Variants in KLF8 observed in about 807,000 individuals in gnomAD.
KLF8 encodes the protein Krueppel-like factor 8.
Under a neutral mutation model 18.2 loss-of-function variants are expected in KLF8, and 10 were observed. The observed-to-expected ratio is 0.55, with a 90% confidence interval of 0.34 to 0.93. The LOEUF (loss-of-function observed/expected upper bound fraction) is 0.93. Ranked by LOEUF, KLF8 falls within the 40% of genes least tolerant of loss-of-function variation. KLF8 has a pLI of 0.02. For synonymous variants in KLF8, 109 were observed against 97.3 expected (o/e 1.12, Z -0.71); for missense variants, 264 against 277.9 (o/e 0.95, Z 0.36).
chrX:56,245,888 A>G (rs1455969766), intron 1 of KLF8, among the ~76,000 whole-genome samples: 1 of 112,031 alleles, frequency 8.9e-6, no homozygotes, highest in Non-Finnish European at 1.9e-5. Flanking sequence ...AAAAAAACAG[A>G]GCCTTCTTTA....
the KLF8 span, among the ~76,000 whole-genome samples, chrX:56,220,205 C>T: frequency 6.3e-5 from 7 of 111,812 alleles, no homozygotes; most frequent in African/African-American, 1.6e-4. Flanking sequence ...ATTCCTATTC[C>T]CTAAAGAGCA....
chrX:56,220,427 A>G, the KLF8 span, among the ~76,000 whole-genome samples: 2 of 112,245 alleles, frequency 1.8e-5, no homozygotes, highest in African/African-American at 6.5e-5. Flanking sequence ...TGTGAGAACC[A>G]TAAGATACTG....
the KLF8 span, among the ~76,000 whole-genome samples, chrX:55,988,530 C>A: frequency 9.0e-6 from 1 of 111,320 alleles, no homozygotes; most frequent in East Asian, 2.8e-4. Context: ...GGCATTATTT[C>A]TGAGGGCTCT....
the KLF8 span, among the ~76,000 whole-genome samples, chrX:55,968,482 TAAG>T: frequency 1.8e-5 from 2 of 112,103 alleles, no homozygotes; most frequent in East Asian, 2.8e-4. Context: ...GTGAAAAGTA[TAAG>T]AAGAGACAAA....
the KLF8 span, among the ~76,000 whole-genome samples, chrX:56,220,271 T>A: frequency 8.9e-6 from 1 of 111,749 alleles, no homozygotes; most frequent in Admixed American, 9.5e-5. Flanking sequence ...GTCCTCAGAA[T>A]AGCAACATCA....
chrX:56,257,774 G>A lies in KLF8; in HGVS notation c.82-7406G>A, dbSNP rs142795331. Among the ~76,000 whole-genome samples the A allele has an allele frequency of 2.0e-4, 22 of 112,366 alleles. No homozygotes were observed. The East Asian group carries it at 4.2e-3, about 21-fold the overall frequency. ...CATTCCGCCATCGATGGGCGCTTAC[G>A]TTGATTTCATGTCTTTGCTATTGTG... On this transcript the variant is annotated intron_variant, in intron 2 of 5. Transcript: ENST00000468660.
the KLF8 span, among the ~76,000 whole-genome samples, chrX:56,114,660 A>C: frequency 1.8e-5 from 2 of 112,851 alleles, no homozygotes; most frequent in South Asian, 7.3e-4. Context: ...TAAATCAAAT[A>C]ACTTCCTTGT....
At chrX:56,057,476 G>T in the KLF8 span, among the ~76,000 whole-genome samples, 1 of 111,716 alleles carries the variant, frequency 9.0e-6, no homozygotes, top group African/African-American at 3.3e-5. Context: ...GTTGCTGTTG[G>T]CCCACGGGAA....
the KLF8 span, among the ~76,000 whole-genome samples, chrX:56,152,489 G>A: frequency 9.0e-6 from 1 of 111,346 alleles, no homozygotes; most frequent in Non-Finnish European, 1.9e-5. Flanking sequence ...CGGTCCCAGA[G>A]TTCTTTACTG....
chrX:56,034,016 T>A, the KLF8 span, among the ~76,000 whole-genome samples: 7 of 112,694 alleles, frequency 6.2e-5, no homozygotes, highest in Non-Finnish European at 1.1e-4. Flanking sequence ...CATTTTTGTT[T>A]GTTACAAACA....
chrX:55,974,096 C>T, the KLF8 span, among the ~76,000 whole-genome samples: 29 of 111,281 alleles, frequency 2.6e-4, no homozygotes, highest in African/African-American at 9.5e-4. Flanking sequence ...AACCAAATAC[C>T]ACATATTCTC....
the KLF8 span, among the ~76,000 whole-genome samples, chrX:56,120,626 T>C: frequency 9.0e-6 from 1 of 111,571 alleles, no homozygotes. Flanking sequence ...TATTGCTAGC[T>C]CCAGAAACAT....
the KLF8 span, among the ~76,000 whole-genome samples, chrX:56,082,509 C>CT: frequency 2.5e-3 from 246 of 99,611 alleles, no homozygotes; most frequent in Middle Eastern, 5.5e-3. Flanking sequence ...TGGATTTAGT[C>CT]TTTTTTTTTT....
At position 56,291,132 on chromosome X, in the gene KLF8, G is replaced by A. The variant is rs188599540; in HGVS notation, c.*6638G>A. Among the ~76,000 whole-genome samples the A allele has an allele frequency of 8.9e-6, 1 of 111,815 alleles. No homozygotes were observed. The highest frequency in any genetic ancestry group is 3.3e-5 in the African/African-American group (1 of 30,764). ...TTTGTGTTGGGGAAAGGAGCCTGCA[G>A]TGAAAGGATCAGTTGGATTTTTTGT... On this transcript the variant is annotated 3_prime_UTR_variant, in exon 6 of 6. Transcript: ENST00000468660.
the KLF8 span, among the ~76,000 whole-genome samples, chrX:56,075,882 A>G: frequency 8.9e-6 from 1 of 111,968 alleles, no homozygotes; most frequent in Admixed American, 9.5e-5. Flanking sequence ...TCCATTGTGT[A>G]TATATGCCAC....
At chrX:56,158,286 A>G in the KLF8 span, among the ~76,000 whole-genome samples, 4 of 111,270 alleles carry the variant, frequency 3.6e-5, no homozygotes, top group Non-Finnish European at 7.6e-5. Context: ...TGTTTTGGTT[A>G]CTGTAGCCTT....
the KLF8 span, among the ~76,000 whole-genome samples, chrX:56,023,337 T>C: frequency 4.5e-5 from 5 of 112,012 alleles, no homozygotes; most frequent in East Asian, 1.1e-3. Flanking sequence ...GAGTTTAAAT[T>C]GATTAGCTGC....
At chrX:56,113,303 T>TG in the KLF8 span, among the ~76,000 whole-genome samples, 196 of 108,149 alleles carry the variant, frequency 1.8e-3, no homozygotes, top group Non-Finnish European at 3.0e-3. Context: ...CATACTTTCA[T>TG]GGTTTTTTTT....
At chrX:56,064,033 T>C in the KLF8 span, among the ~76,000 whole-genome samples, 1 of 108,483 alleles carries the variant, frequency 9.2e-6, no homozygotes, top group Admixed American at 1.0e-4. Context: ...TGTGCATGTG[T>C]ATATAATACA....
Sources: allele counts gnomAD v4.1 joint callset (sites outside exome capture counted in the v4.1 genomes callset), GRCh38; gene constraint gnomAD v4.1.1; transcripts MANE v1.5; gene names NCBI Gene and HGNC (gene_info 2026-07-23, HGNC 2026-07-21).